GRIN2B: variants seen among roughly 807,000 people sequenced by gnomAD.
GRIN2B encodes the protein glutamate receptor ionotropic, NMDA 2B.
Under a neutral mutation model 114.5 loss-of-function variants are expected in GRIN2B, and 5 were observed. The observed-to-expected ratio is 0.04, with a 90% CI of 0.02 to 0.09. GRIN2B has a LOEUF of 0.09. Among genes scored for constraint, GRIN2B ranks in the 10% least tolerant of loss-of-function variants. GRIN2B has a pLI of 1.00. For missense variants in GRIN2B, 1,108 were observed against 1,943.5 expected (o/e 0.57, Z 8.08); for synonymous variants, 787 against 745.1 (o/e 1.06, Z -0.92).
chr12:13,795,353 G>C (rs1405497435), intron 3 of GRIN2B, among the ~76,000 whole-genome samples: 1 of 149,078 alleles, frequency 6.7e-6, no homozygotes, highest in East Asian at 2.0e-4. Flanking sequence ...TCTAGAGAAG[G>C]AACTCAGGTT....
intron 2 of GRIN2B, among the ~76,000 whole-genome samples, chr12:13,937,463 A>C (rs573463642): frequency 2.6e-5 from 4 of 151,084 alleles, no homozygotes; most frequent in South Asian, 4.2e-4. Context: ...ACTGCTGACC[A>C]GAAGACAATG....
At chr12:13,786,399 C>T (rs1864221760) in intron 3 of GRIN2B, among the ~76,000 whole-genome samples, 1 of 152,180 alleles carries the variant, frequency 6.6e-6, no homozygotes, top group Non-Finnish European at 1.5e-5. Context: ...ATGCCTTAAA[C>T]ATGTTAATCT....
chr12:13,832,019 G>A (rs1484533163), intron 3 of GRIN2B, among the ~76,000 whole-genome samples: 2 of 152,178 alleles, frequency 1.3e-5, no homozygotes, highest in Non-Finnish European at 2.9e-5. Context: ...GCAGTGGGGG[G>A]CAGGGTAGCA....
chr12:13,842,536 A>C (rs1865396118), intron 3 of GRIN2B, among the ~76,000 whole-genome samples: 1 of 152,162 alleles, frequency 6.6e-6, no homozygotes, highest in Non-Finnish European at 1.5e-5. Flanking sequence ...AACACTATGC[A>C]TGTTCATCTA....
At chr12:13,625,889 C>A (rs943162084) in intron 5 of GRIN2B, among the ~76,000 whole-genome samples, 2 of 152,128 alleles carry the variant, frequency 1.3e-5, no homozygotes, top group African/African-American at 4.8e-5. Flanking sequence ...GGACAAGATG[C>A]CATTTTAGAA....
At chr12:13,802,330 G>T (rs950073122) in intron 3 of GRIN2B, among the ~76,000 whole-genome samples, 1 of 132,306 alleles carries the variant, frequency 7.6e-6, no homozygotes, top group Non-Finnish European at 1.7e-5. Flanking sequence ...TTGCAAAGGC[G>T]GGGGAAGTGG....
rs1948355910 is a variant in GRIN2B at position 13,547,260 on chromosome 12, G to A, written c.*15523C>T. ...AGGAGCTTGGAAGGTTGTTCTCAAC[G>A]ATAAAACCCACTTTGCAGTGGCTAA... On this transcript the variant is annotated 3_prime_UTR_variant, in exon 14 of 14. Coordinates refer to ENST00000609686, the MANE Select transcript of GRIN2B (RefSeq NM_000834.5). 6.6e-6 allele frequency: 1 copy of A among 152,148 alleles called. No individual in the cohort carries two copies. The highest frequency in any genetic ancestry group is 2.1e-4 in the South Asian group (1 of 4,824). 9.4% of individuals were successfully genotyped at this position (152,148 alleles called of 1,614,324 possible). A position where few individuals can be genotyped will look rare whatever the true frequency, so the allele number is the denominator to read the frequency against.
chr12:13,758,357 C>T (rs1014071100), intron 3 of GRIN2B, among the ~76,000 whole-genome samples: 63 of 152,218 alleles, frequency 4.1e-4, no homozygotes, highest in African/African-American at 1.5e-3. Flanking sequence ...ACCCATTTCC[C>T]CCTTTTCAAC....
intron 2 of GRIN2B, among the ~76,000 whole-genome samples, chr12:13,889,759 A>C (rs1866227283): frequency 6.6e-6 from 1 of 152,224 alleles, no homozygotes; most frequent in African/African-American, 2.4e-5. Flanking sequence ...TCGCACTGGC[A>C]AAATTGGCAT....
chr12:13,943,553 C>T (rs1448581880), intron 2 of GRIN2B, among the ~76,000 whole-genome samples: 1 of 152,176 alleles, frequency 6.6e-6, no homozygotes, highest in Non-Finnish European at 1.5e-5. Flanking sequence ...ATCTCTCCCA[C>T]TTCTGCTCCA....
chr12:13,886,833 C>A (rs367736313), intron 2 of GRIN2B, among the ~76,000 whole-genome samples: 1 of 152,164 alleles, frequency 6.6e-6, no homozygotes, highest in African/African-American at 2.4e-5. Context: ...ACAGAATAAA[C>A]CCTCACCCAT....
intron 5 of GRIN2B, among the ~76,000 whole-genome samples, chr12:13,642,586 A>G (rs1242027969): frequency 6.6e-6 from 1 of 152,218 alleles, no homozygotes; most frequent in African/African-American, 2.4e-5. Context: ...ATATAAGATT[A>G]CAACTTCAAA....
rs925654675 is a variant in GRIN2B, at chr12:13,554,018, A to G, written c.*8765T>C. ...CATGTGATTGTGTGTGCAGATATAT[A>G]TAGAGAAACTGGGGGGATTCATCCT... is the stretch of plus-strand genomic sequence containing the variant. On this transcript the variant is annotated 3_prime_UTR_variant, in exon 14 of 14. Transcript: ENST00000609686. 2 of 152,180 alleles carry G rather than the reference A, an allele frequency of 1.3e-5. No homozygotes were observed. Among genetic ancestry groups the G allele is most frequent in the African/African-American group, 4.8e-5 (2 of 41,446 alleles). The allele number at this position is 152,180 out of a possible 1,614,324, so 9.4% of individuals were successfully genotyped here. A position where few individuals can be genotyped will look rare whatever the true frequency, so the allele number is the denominator to read the frequency against.
intron 2 of GRIN2B, among the ~76,000 whole-genome samples, chr12:13,938,719 G>T (rs1867175635): frequency 6.6e-6 from 1 of 152,302 alleles, no homozygotes; most frequent in African/African-American, 2.4e-5. Context: ...GTTGTCTTGG[G>T]TAGGGAACTG....
intron 3 of GRIN2B, among the ~76,000 whole-genome samples, chr12:13,864,267 C>T (rs536486246): frequency 6.6e-6 from 1 of 152,168 alleles, no homozygotes; most frequent in African/African-American, 2.4e-5. Flanking sequence ...CTGCCTGCTG[C>T]CGACAGGTGG....
chr12:13,613,180 C>T (rs2136476736), intron 8 of GRIN2B, among the ~76,000 whole-genome samples: 1 of 152,276 alleles, frequency 6.6e-6, no homozygotes, highest in Non-Finnish European at 1.5e-5. Flanking sequence ...AACCTCTGCA[C>T]ACTTGACTCT....
At chr12:13,827,550 C>T (rs911412448) in intron 3 of GRIN2B, among the ~76,000 whole-genome samples, 1 of 152,098 alleles carries the variant, frequency 6.6e-6, no homozygotes, top group African/African-American at 2.4e-5. Flanking sequence ...CCATTAATCT[C>T]ATCCAGTTCA....
At chr12:13,602,817 T>G (rs529298742) in intron 10 of GRIN2B, among the ~76,000 whole-genome samples, 2 of 152,306 alleles carry the variant, frequency 1.3e-5, no homozygotes, top group East Asian at 1.9e-4. Context: ...ATTAAGCAGA[T>G]GAGCACATTT....
In GRIN2B at chr12:13,564,064, G is replaced by A. The variant is rs772364390; in HGVS notation, c.3174C>T (p.Ser1058=). The A allele has an allele frequency of 3.2e-5, 52 of 1,614,036 alleles. No individual in the cohort carries two copies. In the Admixed American group the frequency reaches 7.3e-4, roughly 23 times the overall value. Residue 1058 remains serine, a synonymous_variant, in exon 14 of 14, where the codon TCC becomes TCT. Transcript: ENST00000609686. The surrounding 1 kb of genome is among the most constrained non-coding windows in gnomAD (Gnocchi z 4.8). ...TGTGGGTTGAGATGTCAGAGACATC[G>A]GAGCGGATCAAGTCGTCGTGGCCAC... ...RYSGHDDLIR[S]DVSDISTHTV...
Sources: allele counts gnomAD v4.1 joint callset (sites outside exome capture counted in the v4.1 genomes callset), GRCh38; gene constraint gnomAD v4.1.1; non-coding constraint Gnocchi (gnomAD v3.1); transcripts MANE v1.5; gene names NCBI Gene and HGNC (gene_info 2026-07-23, HGNC 2026-07-21).